MAP7D1: variants seen among roughly 807,000 people sequenced by gnomAD.
The protein encoded by MAP7D1 is MAP7 domain-containing protein 1.
MAP7D1 carries 30 observed loss-of-function variants against 97.5 expected under a neutral mutation model. The observed-to-expected ratio is 0.31, with a 90% CI of 0.23 to 0.42. MAP7D1 has a LOEUF of 0.42. MAP7D1 is among the 10% of genes least tolerant of loss of function. The probability of loss-of-function intolerance (pLI) is 1.00; values close to 1 mark genes in which losing one functional copy is unlikely to be tolerated. For missense variants in MAP7D1, 1,184 were observed against 1,179.5 expected (o/e 1.00, Z -0.06); for synonymous variants, 536 against 477.1 (o/e 1.12, Z -1.61).
In MAP7D1 at chr1:36,179,544, C is replaced by T. The variant is rs1355956256; in HGVS notation, c.2214C>T (p.Asn738=). The part of the protein sequence containing the change: ...KKQDSKEANA[N]GSSPEPVKAV... ...AGGACAGCAAGGAGGCCAACGCCAACGGTTCCAGCCCAGGTAAAGCCCCCA... is the reference window on the plus strand; with the variant it reads ...AGGACAGCAAGGAGGCCAACGCCAATGGTTCCAGCCCAGGTAAAGCCCCCA... Residue 738 remains asparagine, a synonymous_variant, in exon 14 of 17, where the codon AAC becomes AAT. Coordinates refer to ENST00000474796, the MANE Select transcript of MAP7D1 (RefSeq NM_001388490.1). 2.5e-6 allele frequency: 4 copies of T among 1,572,606 alleles called. No homozygotes were observed. The highest frequency in any genetic ancestry group is 1.7e-4 in the Middle Eastern group (1 of 6,008).
chr1:36,176,747 G>A lies in MAP7D1; in HGVS notation c.1284G>A (p.Lys428=). The A allele has an allele frequency of 1.2e-6, 2 of 1,604,644 alleles. No homozygotes were observed. The highest frequency in any genetic ancestry group is 1.7e-6 in the Non-Finnish European group (2 of 1,176,298). ...AGGAGCGGGAAAACGAGAAGGAGAA[G>A]AGTGCCCTAGCCCGGGAGCGCAGCC... ...KDKERENEKE[K]SALARERSLK... The change falls in exon 8 of 17, where the codon AAG becomes AAA. Residue 428 remains lysine (K), a synonymous_variant. Transcript: ENST00000474796. The surrounding 1 kb of genome is among the most constrained non-coding windows in gnomAD (Gnocchi z 6.1).
rs781078761 is a variant in MAP7D1, at chr1:36,176,229, G to A, written c.881G>A (p.Ser294Asn). 2 of 1,608,406 alleles carry A rather than the reference G, an allele frequency of 1.2e-6. No homozygotes were observed. Among genetic ancestry groups the A allele is most frequent in the Non-Finnish European group, 1.7e-6 (2 of 1,179,370 alleles). ...NRSLQLSAWE[S>N]SIVDRLMTPT... is the part of the protein sequence containing the mutation. The stretch of plus-strand genomic sequence containing the variant: ...AGCCTGCAGCTGAGCGCATGGGAGA[G>A]CAGCATCGTGGATCGTCTGATGACG... The change falls in exon 7 of 17, where the codon AGC becomes AAC. Residue 294 changes from serine to asparagine, a missense_variant. Coordinates refer to ENST00000474796, the MANE Select transcript of MAP7D1 (RefSeq NM_001388490.1). The surrounding 1 kb of genome is among the most constrained non-coding windows in gnomAD (Gnocchi z 6.1).
intron 12 of MAP7D1, 111 bp from the exon 13 acceptor site, chr1:36,179,151 A>G (rs867639211): frequency 2.7e-6 from 4 of 1,491,510 alleles, no homozygotes; most frequent in East Asian, 2.3e-5. Context: ...TGTCCTGGAG[A>G]GGGCTGCTAT....
chr1:36,164,510 G>T (rs1192168834), intron 1 of MAP7D1, among the ~76,000 whole-genome samples: 2 of 152,210 alleles, frequency 1.3e-5, no homozygotes, highest in African/African-American at 4.8e-5. Flanking sequence ...GCAAATAGGA[G>T]TTAGCTAAGA....
At chr1:36,165,292 T>A (rs2124212151) in intron 1 of MAP7D1, among the ~76,000 whole-genome samples, 1 of 152,026 alleles carries the variant, frequency 6.6e-6, no homozygotes, top group South Asian at 2.1e-4. Context: ...CCCAGCTGTT[T>A]TTTATTTTTT....
rs568657678 is a variant in MAP7D1, at chr1:36,164,337, G to A, written c.47-6634G>A. ...CTCCCTCACCTTCTAGGAGGAGGCT[G>A]ACAATAAGGAAAGAACCATGCAAGG... On this transcript the variant is annotated intron_variant, in intron 1 of 16. Coordinates refer to ENST00000474796, the MANE Select transcript of MAP7D1 (RefSeq NM_001388490.1). 6.6e-5 allele frequency among the ~76,000 whole-genome samples: 10 copies of A among 152,246 alleles called. No individual in the cohort carries two copies. The South Asian group carries it at 2.1e-3, about 32-fold the overall frequency.
At chr1:36,158,937 T>A (rs1410728010) in intron 1 of MAP7D1, among the ~76,000 whole-genome samples, 4 of 152,228 alleles carry the variant, frequency 2.6e-5, no homozygotes, top group Non-Finnish European at 5.9e-5. Context: ...CTAGAAATTA[T>A]CTCATAGAGA....
chr1:36,156,579 C>A, intron 1 of MAP7D1, 116 bp downstream of exon 1: 1 of 800,242 alleles, frequency 1.2e-6, no homozygotes, highest in Non-Finnish European at 1.7e-6. Context: ...CCTCTGACCA[C>A]TTGGAAGTTT....
chr1:36,173,362 A>T lies in MAP7D1; in HGVS notation c.625-2A>T. ...CTCTCTCTTCTCCCCACCTTCCCCC[A>T]GGAGCGCTATGAAGCAGCCATCCAA... On this transcript the variant is annotated splice_acceptor_variant, in intron 4 of 16. Transcript: ENST00000474796. LOFTEE classifies it high-confidence loss of function. The T allele has an allele frequency of 2.5e-6, 4 of 1,611,374 alleles. No individual in the cohort carries two copies. The East Asian group carries it at 8.9e-5, about 36-fold the overall frequency.
At chr1:36,158,220 G>A (rs1644363458) in intron 1 of MAP7D1, among the ~76,000 whole-genome samples, 1 of 152,078 alleles carries the variant, frequency 6.6e-6, no homozygotes, top group Non-Finnish European at 1.5e-5. Context: ...TGCATTGAGA[G>A]GACTCTTCTA....
At position 36,178,586 on chromosome 1, in the gene MAP7D1, G is replaced by C. The variant is rs368615562; in HGVS notation, c.1876G>C (p.Glu626Gln). 6.3e-7 allele frequency: 1 copy of C among 1,582,368 alleles called. No homozygotes were observed. The highest frequency in any genetic ancestry group is 8.6e-7 in the Non-Finnish European group (1 of 1,166,784). The change falls in exon 10 of 17, where the codon GAA becomes CAA. Residue 626 changes from glutamate (E) to glutamine (Q), a missense_variant. Physicochemically the swap from Glu to Gln is conservative, Grantham distance 29. Coordinates refer to ENST00000474796, the MANE Select transcript of MAP7D1 (RefSeq NM_001388490.1). ...GGAGCAGGAGCGGAGGCTGCAGGCAGAAAGGGACAAGTGAGTGCGCCTCGG... is the reference window on the plus strand; with the variant it reads ...GGAGCAGGAGCGGAGGCTGCAGGCACAAAGGGACAAGTGAGTGCGCCTCGG... ...REEQERRLQAERDKRMREEQL... is the reference protein window; with the variant it reads ...REEQERRLQAQRDKRMREEQL...
rs548683436 is a variant in MAP7D1 at position 36,159,291 on chromosome 1, C to T, written c.46+2828C>T. Among the ~76,000 whole-genome samples the T allele has an allele frequency of 3.3e-5, 5 of 152,232 alleles. No homozygotes were observed. The highest frequency in any genetic ancestry group is 4.4e-5 in the Non-Finnish European group (3 of 68,030). ...CGGGCTGGTCTCGAACTCCTGACCT[C>T]GTGATCTTCCCACCTTGGCCTCCCA... On this transcript the variant is annotated intron_variant, in intron 1 of 16. Transcript: ENST00000474796. The surrounding 1 kb of genome is among the most constrained non-coding windows in gnomAD (Gnocchi z 5.4).
In MAP7D1 at chr1:36,156,456, A is replaced by T; in HGVS notation, c.39A>T (p.Ala13=). Residue 13 remains alanine (A), a synonymous_variant, in exon 1 of 17, where the codon GCA becomes GCT. Transcript: ENST00000474796. ...CGCGTGCGGAGCTGGGGGCGGGCGC[A>T]CCCCCAGGTATGCCGGGAGCCACGC... ...SGPRAELGAG[A]PPAVVARTPP... 6.8e-7 allele frequency: 1 copy of T among 1,466,434 alleles called. No homozygotes were observed. The highest frequency in any genetic ancestry group is 9.0e-7 in the Non-Finnish European group (1 of 1,116,760). 90.8% of individuals were successfully genotyped at this position (1,466,434 alleles called of 1,614,324 possible).
At position 36,171,163 on chromosome 1, in the gene MAP7D1, C is replaced by G; in HGVS notation, c.239C>G (p.Ala80Gly). Residue 80 changes from alanine (A) to glycine (G), a missense_variant, in exon 2 of 17, where the codon GCC (alanine) becomes GGC (glycine). By Grantham distance (60) the Ala-to-Gly change is moderately conservative. Coordinates refer to ENST00000474796, the MANE Select transcript of MAP7D1 (RefSeq NM_001388490.1). ...TCAGGGCAGGTCGGGCCTAGGCCAG[C>G]CCCCCCGCAGGAAGAGTCCCCTTCC... ...SPSGQVGPRP[A>G]PPQEESPSSE... 6.2e-7 allele frequency: 1 copy of G among 1,612,756 alleles called. No individual in the cohort carries two copies. Among genetic ancestry groups the G allele is most frequent in the African/African-American group, 1.3e-5 (1 of 74,942 alleles).
chr1:36,163,419 G>A (rs568046240), intron 1 of MAP7D1, among the ~76,000 whole-genome samples: 9 of 152,252 alleles, frequency 5.9e-5, no homozygotes, highest in South Asian at 2.1e-4. Context: ...TTAAGTAGCC[G>A]AAGGATCATA....
rs932619724 is a variant in MAP7D1 at position 36,176,989 on chromosome 1, C to G, written c.1379+147C>G. On this transcript the variant is annotated intron_variant, in intron 8 of 16. Transcript: ENST00000474796. This position sits in a 1 kb window ranked among gnomAD's most constrained non-coding sequence, Gnocchi z 6.1. The stretch of plus-strand genomic sequence containing the variant: ...TGTTTGAGACAGGATCTCCCTCTGT[C>G]ACCCAGGCTGGAGTGCAGTGGCACA... 6 of 759,266 alleles carry G rather than the reference C, an allele frequency of 7.9e-6. No individual in the cohort carries two copies. Among genetic ancestry groups the G allele is most frequent in the Admixed American group, 2.6e-5 (1 of 38,568 alleles). 47.0% of individuals were successfully genotyped at this position (759,266 alleles called of 1,614,324 possible). A position where few individuals can be genotyped will look rare whatever the true frequency, so the allele number is the denominator to read the frequency against.
At chr1:36,169,188 G>T (rs1318937621) in intron 1 of MAP7D1, among the ~76,000 whole-genome samples, 1 of 149,982 alleles carries the variant, frequency 6.7e-6, no homozygotes. Flanking sequence ...GAAGGCAGAG[G>T]TTGCAGTGAG....
At chr1:36,177,185 G>A (rs1331753126) in intron 8 of MAP7D1, among the ~76,000 whole-genome samples, 1 of 152,140 alleles carries the variant, frequency 6.6e-6, no homozygotes, top group Non-Finnish European at 1.5e-5. Context: ...CTTGAGCTTA[G>A]GTGATCCACC....
intron 5 of MAP7D1, among the ~76,000 whole-genome samples, chr1:36,174,462 G>A (rs1419611365): frequency 6.6e-6 from 1 of 152,170 alleles, no homozygotes; most frequent in African/African-American, 2.4e-5. Flanking sequence ...GTGGATTTGT[G>A]CAAGTGACTG....
Sources: gnomAD v4.1 joint callset for allele counts (sites outside exome capture counted in the v4.1 genomes callset) on GRCh38, gnomAD v4.1.1 for gene constraint, Gnocchi (gnomAD v3.1) non-coding constraint, MANE v1.5 for transcripts, NCBI Gene and HGNC (gene_info 2026-07-23, HGNC 2026-07-21) for gene names.